Variants in PRELID2 observed in about 807,000 individuals in gnomAD.
PRELID2 encodes the protein PRELI domain containing 2.
PRELID2 carries 25 observed loss-of-function variants against 28.4 expected under a neutral mutation model. The observed-to-expected ratio is 0.88, with a 90% CI of 0.64 to 1.23. The LOEUF (loss-of-function observed/expected upper bound fraction) is 1.23. Among genes scored for constraint, PRELID2 ranks in the 50% most tolerant of loss-of-function variants. The pLI, the probability that PRELID2 is intolerant of heterozygous loss-of-function variation, is 0.00. For synonymous variants in PRELID2, 76 were observed against 71.6 expected (o/e 1.06, Z -0.31); for missense variants, 201 against 214.4 (o/e 0.94, Z 0.39).
chr5:145,337,824 A>G, the PRELID2 span: 3 of 149,890 alleles, frequency 2.0e-5, no homozygotes, highest in African/African-American at 7.4e-5. Context: ...TTCTGTTCCT[A>G]TGAAGCTGAG....
the PRELID2 span, among the ~76,000 whole-genome samples, chr5:145,419,214 G>A: frequency 6.7e-6 from 1 of 148,900 alleles, no homozygotes; most frequent in Non-Finnish European, 1.5e-5. Context: ...CTTTATAGCA[G>A]CATGATTTAT....
At chr5:145,345,431 C>A in the PRELID2 span, among the ~76,000 whole-genome samples, 2 of 151,924 alleles carry the variant, frequency 1.3e-5, no homozygotes, top group Admixed American at 1.3e-4. Flanking sequence ...CGTTGAAGCC[C>A]ACAAACTCAA....
At chr5:145,621,049 T>C (rs1753767490) in intron 1 of PRELID2, among the ~76,000 whole-genome samples, 1 of 152,108 alleles carries the variant, frequency 6.6e-6, no homozygotes, top group South Asian at 2.1e-4. Context: ...TGATAGGAAA[T>C]TGTATCCAGA....
At chr5:145,812,084 C>T (rs371717599) in intron 4 of PRELID2, among the ~76,000 whole-genome samples, 3 of 152,124 alleles carry the variant, frequency 2.0e-5, no homozygotes, top group African/African-American at 7.2e-5. Context: ...CCTCTGAACA[C>T]GCTGATTGGT....
intron 1 of PRELID2, among the ~76,000 whole-genome samples, chr5:145,663,716 C>T (rs1158444992): frequency 6.6e-6 from 1 of 152,044 alleles, no homozygotes; most frequent in Non-Finnish European, 1.5e-5. Context: ...GAATCCTAAC[C>T]CCGACTTCAT....
intron 1 of PRELID2, among the ~76,000 whole-genome samples, chr5:145,734,759 T>G (rs1287259133): frequency 6.6e-6 from 1 of 152,196 alleles, no homozygotes; most frequent in East Asian, 1.9e-4. Flanking sequence ...CATTATCAAT[T>G]ATATTTTACC....
At position 145,758,386 on chromosome 5, in the gene PRELID2, A is replaced by C. The variant is rs1280749283; in HGVS notation, c.*2150T>G. Among the ~76,000 whole-genome samples, 1 of 152,134 alleles carries C rather than the reference A, an allele frequency of 6.6e-6. No homozygotes were observed. Among genetic ancestry groups the C allele is most frequent in the Non-Finnish European group, 1.5e-5 (1 of 68,040 alleles). ...TTAAATATTGTCTGCAAATACCTAA[A>C]AGTCACTGTAGTGTTCTTAGCTGCC... On this transcript the variant is annotated 3_prime_UTR_variant, in exon 7 of 7. Coordinates refer to ENST00000683046, the MANE Select transcript of PRELID2 (RefSeq NM_205846.3).
the PRELID2 span, among the ~76,000 whole-genome samples, chr5:145,444,113 C>T: frequency 3.4e-4 from 51 of 152,064 alleles, no homozygotes; most frequent in African/African-American, 1.2e-3. Flanking sequence ...GAGAGGATGT[C>T]GTATGTATTA....
chr5:145,357,594 T>G, the PRELID2 span, among the ~76,000 whole-genome samples: 1 of 152,344 alleles, frequency 6.6e-6, no homozygotes, highest in East Asian at 1.9e-4. Context: ...GCTCTGTCTA[T>G]TCAGTTTGGT....
intron 1 of PRELID2, among the ~76,000 whole-genome samples, chr5:145,524,806 C>T (rs1044780913): frequency 8.5e-5 from 13 of 152,182 alleles, no homozygotes; most frequent in African/African-American, 1.7e-4. Context: ...TCCTTCTGGA[C>T]GGCTGTGGAA....
chr5:145,635,201 C>G (rs1467883497), intron 1 of PRELID2, among the ~76,000 whole-genome samples: 3 of 152,136 alleles, frequency 2.0e-5, no homozygotes, highest in African/African-American at 7.2e-5. Context: ...TTGTTTGTGT[C>G]TGTCTCTTCA....
Position 145,762,889 on chromosome 5 carries a change from T to C in PRELID2, c.*10+2042A>G. On this transcript the variant is annotated intron_variant, in intron 6 of 6. Coordinates refer to ENST00000683046, the MANE Select transcript of PRELID2 (RefSeq NM_205846.3). The stretch of plus-strand genomic sequence containing the variant: ...TCTCAGTGACCTGGCATTTCATCTG[T>C]CTCCACCCAAAGAAGTGAACTCATT... 1.3e-5 allele frequency among the ~76,000 whole-genome samples: 2 copies of C among 152,144 alleles called. 1 individual carries two copies. The highest frequency in any genetic ancestry group is 1.3e-4 in the Admixed American group (2 of 15,260).
At chr5:145,282,488 G>A in the PRELID2 span, among the ~76,000 whole-genome samples, 1 of 151,474 alleles carries the variant, frequency 6.6e-6, no homozygotes, top group Admixed American at 6.6e-5. Context: ...ACTGTAATGG[G>A]ATAAATTGAC....
At chr5:145,716,726 C>T (rs1460770935) in intron 1 of PRELID2, among the ~76,000 whole-genome samples, 1 of 152,126 alleles carries the variant, frequency 6.6e-6, no homozygotes, top group East Asian at 1.9e-4. Flanking sequence ...TTCTATGCTA[C>T]TGAAGATCTG....
At chr5:145,263,634 A>G in the PRELID2 span, among the ~76,000 whole-genome samples, 1 of 152,004 alleles carries the variant, frequency 6.6e-6, no homozygotes, top group African/African-American at 2.4e-5. Flanking sequence ...AAGCTCCATT[A>G]GAAATAAAAT....
chr5:145,309,708 T>C, the PRELID2 span, among the ~76,000 whole-genome samples: 3 of 152,106 alleles, frequency 2.0e-5, no homozygotes, highest in African/African-American at 7.2e-5. Flanking sequence ...CTCTATGGAG[T>C]CCATGTTTTA....
chr5:145,549,697 A>G (rs2126679961), intron 1 of PRELID2, among the ~76,000 whole-genome samples: 1 of 152,194 alleles, frequency 6.6e-6, no homozygotes, highest in East Asian at 1.9e-4. Context: ...CGGGAGGCTG[A>G]GGCAGGAGAA....
intron 1 of PRELID2, among the ~76,000 whole-genome samples, chr5:145,580,222 A>C (rs573113229): frequency 6.6e-6 from 1 of 152,116 alleles, no homozygotes; most frequent in Non-Finnish European, 1.5e-5. Flanking sequence ...TGGGCTATAG[A>C]TAACCAAAAG....
At chr5:145,781,796 C>T (rs1013996528) in intron 5 of PRELID2, among the ~76,000 whole-genome samples, 12 of 148,310 alleles carry the variant, frequency 8.1e-5, no homozygotes, top group African/African-American at 3.0e-4. Flanking sequence ...TATATACACA[C>T]ATACAAATAC....
Sources: allele counts gnomAD v4.1 joint callset (sites outside exome capture counted in the v4.1 genomes callset), GRCh38; gene constraint gnomAD v4.1.1; transcripts MANE v1.5; gene names NCBI Gene and HGNC (gene_info 2026-07-23, HGNC 2026-07-21).